The following GPC5 variants were observed in gnomAD, a reference collection of about 807,000 sequenced individuals.
GPC5 encodes glypican 5, also known as glypican-5.
A neutral mutation model predicts 53.9 loss-of-function variants in GPC5; 47 were observed. The ratio of observed to expected loss-of-function variants is 0.87; its 90% CI spans 0.69 to 1.11. The LOEUF (loss-of-function observed/expected upper bound fraction) is 1.11. Ranked by LOEUF, GPC5 falls within the 50% of genes most tolerant of loss-of-function variation. The pLI is 0.00. For missense variants in GPC5, 748 were observed against 713.1 expected, an observed-to-expected ratio of 1.05 and a Z score of -0.56; for synonymous variants, 286 against 263.3, an observed-to-expected ratio of 1.09 and a Z score of -0.84.
chr13:92,734,163 G>C (rs1195381034), intron 7 of GPC5, among the ~76,000 whole-genome samples: 1 of 151,756 alleles, frequency 6.6e-6, no homozygotes, highest in Non-Finnish European at 1.5e-5. Context: ...TATCTTCTCT[G>C]ATTCTCAGTT....
chr13:91,900,080 T>G (rs2039482625), intron 5 of GPC5, among the ~76,000 whole-genome samples: 1 of 152,288 alleles, frequency 6.6e-6, no homozygotes, highest in South Asian at 2.1e-4. Flanking sequence ...GCAAGTAATT[T>G]TAAAGTATAT....
At chr13:92,249,013 AAAAT>A (rs1022984248) in intron 7 of GPC5, among the ~76,000 whole-genome samples, 1 of 152,106 alleles carries the variant, frequency 6.6e-6, no homozygotes, top group Non-Finnish European at 1.5e-5. Flanking sequence ...TCATATTTAA[AAAAT>A]AATTTTATTT....
At chr13:92,286,160 G>T (rs1359142434) in intron 7 of GPC5, among the ~76,000 whole-genome samples, 5 of 152,142 alleles carry the variant, frequency 3.3e-5, no homozygotes, top group African/African-American at 1.2e-4. Flanking sequence ...GGCCATCAGA[G>T]AAATGCAAAT....
intron 7 of GPC5, among the ~76,000 whole-genome samples, chr13:92,602,847 G>A (rs1437979049): frequency 6.7e-6 from 1 of 148,160 alleles, no homozygotes; most frequent in East Asian, 1.9e-4. Context: ...TCATAGTTTT[G>A]ATTTTTTTTT....
intron 7 of GPC5, among the ~76,000 whole-genome samples, chr13:92,488,974 G>T (rs1000668515): frequency 5.3e-5 from 8 of 152,122 alleles, no homozygotes; most frequent in African/African-American, 1.9e-4. Context: ...TTCAAGTTTA[G>T]ACAGAATTAT....
intron 2 of GPC5, among the ~76,000 whole-genome samples, chr13:91,455,624 A>T (rs1159675058): frequency 6.6e-6 from 1 of 152,156 alleles, no homozygotes; most frequent in African/African-American, 2.4e-5. Context: ...GGATTTCTAC[A>T]TCTTAAAGTT....
At chr13:92,452,361 T>C (rs1305789474) in intron 7 of GPC5, among the ~76,000 whole-genome samples, 1 of 152,076 alleles carries the variant, frequency 6.6e-6, no homozygotes, top group Non-Finnish European at 1.5e-5. Context: ...AAAGTGTGGA[T>C]TTACTCAACA....
At chr13:92,678,625 A>G (rs1378433047) in intron 7 of GPC5, among the ~76,000 whole-genome samples, 4 of 152,208 alleles carry the variant, frequency 2.6e-5, no homozygotes, top group Non-Finnish European at 5.9e-5. Context: ...AAGAGTTTTT[A>G]GTTGTAAGGC....
At chr13:92,404,263 A>T (rs1926609) in intron 7 of GPC5, among the ~76,000 whole-genome samples, 80,761 of 151,852 alleles carry the variant, frequency 0.53, 21,667 homozygotes, top group East Asian at 0.72. Context: ...TTACTGTTAA[A>T]TTCAAGCAGT....
chr13:91,464,713 A>T (rs764671366), intron 2 of GPC5, among the ~76,000 whole-genome samples: 4 of 152,066 alleles, frequency 2.6e-5, no homozygotes, highest in Non-Finnish European at 5.9e-5. Context: ...CTATAAAGGG[A>T]TAGTATGAGG....
At chr13:92,591,849 C>T (rs772945213) in intron 7 of GPC5, among the ~76,000 whole-genome samples, 2 of 152,138 alleles carry the variant, frequency 1.3e-5, no homozygotes, top group Non-Finnish European at 2.9e-5. Context: ...TTGTCTTAGG[C>T]AGTGATAGTG....
At chr13:92,247,028 G>A (rs1292697223) in intron 7 of GPC5, among the ~76,000 whole-genome samples, 2 of 152,146 alleles carry the variant, frequency 1.3e-5, no homozygotes, top group Non-Finnish European at 2.9e-5. Flanking sequence ...TGGTTGCCCT[G>A]TGTGGGATTA....
In GPC5 at chr13:91,774,589, C is replaced by T. The variant is rs112245518; in HGVS notation, c.1280+18169C>T. On this transcript the variant is annotated intron_variant, in intron 5 of 7. Coordinates refer to ENST00000377067, the MANE Select transcript of GPC5 (RefSeq NM_004466.6). Reference sequence around the variant, plus strand: ...GTGGATATTCCCATCTCCACTCTCCCCTTGACCTACAGCGCACCCATCCCC... The same window carrying T: ...GTGGATATTCCCATCTCCACTCTCCTCTTGACCTACAGCGCACCCATCCCC... Among the ~76,000 whole-genome samples, 929 of 152,186 alleles carry T rather than the reference C, an allele frequency of 6.1e-3. 9 individuals carry two copies. Among genetic ancestry groups the T allele is most frequent in the African/African-American group, 0.022 (894 of 41,524 alleles).
intron 7 of GPC5, among the ~76,000 whole-genome samples, chr13:92,694,566 C>T (rs1887505187): frequency 6.6e-6 from 1 of 152,292 alleles, no homozygotes; most frequent in East Asian, 1.9e-4. Context: ...GCCTGTCATC[C>T]CTTTACTTTG....
At chr13:91,400,179 G>C (rs940635442) in intron 1 of GPC5, among the ~76,000 whole-genome samples, 4 of 152,200 alleles carry the variant, frequency 2.6e-5, no homozygotes, top group Non-Finnish European at 4.4e-5. Context: ...ACGAATCTGT[G>C]AGGTTACTGG....
At chr13:91,503,797 A>ATAATAATAT (rs1884785632) in intron 2 of GPC5, among the ~76,000 whole-genome samples, 1 of 145,294 alleles carries the variant, frequency 6.9e-6, no homozygotes, top group Non-Finnish European at 1.5e-5. Flanking sequence ...AATAATAATA[A>ATAATAATAT]TAATAATAAT....
At chr13:92,275,513 AAAC>A (rs1486525743) in intron 7 of GPC5, among the ~76,000 whole-genome samples, 4 of 152,194 alleles carry the variant, frequency 2.6e-5, no homozygotes, top group Admixed American at 2.6e-4. Flanking sequence ...AACTTTGTCT[AAAC>A]AATAAGTCAG....
At chr13:91,740,713 C>T (rs2036916074) in intron 4 of GPC5, among the ~76,000 whole-genome samples, 1 of 152,082 alleles carries the variant, frequency 6.6e-6, no homozygotes, top group African/African-American at 2.4e-5. Flanking sequence ...CACAATTTTC[C>T]CTTTTTGAGC....
At chr13:92,520,276 T>C (rs774310330) in intron 7 of GPC5, among the ~76,000 whole-genome samples, 11 of 152,296 alleles carry the variant, frequency 7.2e-5, no homozygotes, top group African/African-American at 2.4e-4. Context: ...CTAACTCATT[T>C]TAAGAGGCCA....
Sources: gnomAD v4.1 joint callset for allele counts (sites outside exome capture counted in the v4.1 genomes callset) on GRCh38, gnomAD v4.1.1 for gene constraint, MANE v1.5 for transcripts, NCBI Gene and HGNC (gene_info 2026-07-23, HGNC 2026-07-21) for gene names.